Variants in ZNF264 observed in about 807,000 individuals in gnomAD.
ZNF264 encodes zinc finger protein 264.
ZNF264 carries 11 observed loss-of-function variants against 11.2 expected under a neutral mutation model. The ratio of observed to expected loss-of-function variants is 0.98; its 90% confidence interval spans 0.62 to 1.63. ZNF264 has a LOEUF of 1.63. Ranked by LOEUF, ZNF264 falls within the 40% of genes most tolerant of loss-of-function variation. The pLI, the probability that ZNF264 is intolerant of heterozygous loss-of-function variation, is 0.00. For synonymous variants in ZNF264, 309 were observed against 279.8 expected (o/e 1.10, Z -1.04); for missense variants, 752 against 768.1 (o/e 0.98, Z 0.25).
intron 3 of ZNF264, among the ~76,000 whole-genome samples, chr19:57,207,777 A>ACAACTCCC (rs1451426640): frequency 6.8e-6 from 1 of 146,886 alleles, no homozygotes; most frequent in Non-Finnish European, 1.5e-5. Context: ...CCCAGGCGGG[A>ACAACTCCC]GTACAATGGC....
chr19:57,197,468 G>A (rs2087220336), intron 2 of ZNF264, among the ~76,000 whole-genome samples: 1 of 151,854 alleles, frequency 6.6e-6, no homozygotes, highest in East Asian at 1.9e-4. Context: ...ATTCACCTAT[G>A]GGGGCCTGCC....
chr19:57,202,018 C>A (rs2087256985), intron 2 of ZNF264, among the ~76,000 whole-genome samples: 1 of 151,630 alleles, frequency 6.6e-6, no homozygotes, highest in Non-Finnish European at 1.5e-5. Context: ...CCAGCCTGAG[C>A]AATAAAGTGA....
In ZNF264 at chr19:57,212,232, G is replaced by A. The variant is rs1177255454; in HGVS notation, c.1135G>A (p.Val379Ile). 1 of 1,613,986 alleles carries A rather than the reference G, an allele frequency of 6.2e-7. No homozygotes were observed. The highest frequency in any genetic ancestry group is 1.3e-5 in the African/African-American group (1 of 74,884). Reference protein sequence around the residue: ...KPYECSECGKVFLESAALIHH... With the variant: ...KPYECSECGKIFLESAALIHH... ...CTATGAGTGCAGTGAATGTGGGAAG[G>A]TCTTCTTGGAGAGTGCAGCCCTGAT... Residue 379 changes from valine to isoleucine, a missense_variant, in exon 4 of 4, where the codon GTC (valine) becomes ATC (isoleucine). Coordinates refer to ENST00000263095, the MANE Select transcript of ZNF264 (RefSeq NM_003417.5).
chr19:57,196,898 T>A (rs1048725523), intron 2 of ZNF264, among the ~76,000 whole-genome samples: 3 of 151,734 alleles, frequency 2.0e-5, no homozygotes, highest in African/African-American at 7.3e-5. Context: ...TTACACATCT[T>A]CTCATTTCTC....
In ZNF264 at chr19:57,213,021, A is replaced by T; in HGVS notation, c.*40A>T. On this transcript the variant is annotated 3_prime_UTR_variant, in exon 4 of 4. Coordinates refer to ENST00000263095, the MANE Select transcript of ZNF264 (RefSeq NM_003417.5). ...GCTGAATATTACTTGTCATCTGAAG[A>T]GTCATATTAGAAATTCGTTCAGTCT... 6.4e-7 allele frequency: 1 copy of T among 1,559,724 alleles called. No homozygotes were observed. Among genetic ancestry groups the T allele is most frequent in the Non-Finnish European group, 8.7e-7 (1 of 1,152,780 alleles).
rs59259212 is a variant in ZNF264 at position 57,191,749 on chromosome 19, G to T, written c.-165G>T. ...CTGGGTCTGGAACGCGGTTGCCACCGAGGAGGCGGCGGCCCTGCGTCTGGA... is the reference window on the plus strand; with the variant it reads ...CTGGGTCTGGAACGCGGTTGCCACCTAGGAGGCGGCGGCCCTGCGTCTGGA... On this transcript the variant is annotated 5_prime_UTR_variant, in exon 1 of 4. Transcript: ENST00000263095. The T allele has an allele frequency of 0.019, 8,689 of 457,066 alleles. 628 individuals are homozygous for T. Among genetic ancestry groups the T allele is most frequent in the African/African-American group, 0.16 (7,718 of 48,324 alleles). The allele number at this position is 457,066 out of a possible 1,614,324, so 28.3% of individuals were successfully genotyped here. A position where few individuals can be genotyped will look rare whatever the true frequency, so the allele number is the denominator to read the frequency against.
chr19:57,205,519 G>C, intron 3 of ZNF264, 27 bp downstream of exon 3: 1 of 1,584,844 alleles, frequency 6.3e-7, no homozygotes. Flanking sequence ...GGGCAGGTTG[G>C]AGTCCCTTCT....
In ZNF264 at chr19:57,214,514, G is replaced by C. The variant is rs2087365445; in HGVS notation, c.*1533G>C. Reference sequence around the variant, plus strand: ...CTACAAGCATGCACCACCAGTCCCAGCTAATTTTTGTATTTTTTGGTAGAG... The same window carrying C: ...CTACAAGCATGCACCACCAGTCCCACCTAATTTTTGTATTTTTTGGTAGAG... On this transcript the variant is annotated 3_prime_UTR_variant, in exon 4 of 4. Coordinates refer to ENST00000263095, the MANE Select transcript of ZNF264 (RefSeq NM_003417.5). 1 of 151,816 alleles carries C rather than the reference G, an allele frequency of 6.6e-6. No homozygotes were observed. Among genetic ancestry groups the C allele is most frequent in the Admixed American group, 6.6e-5 (1 of 15,224 alleles). 9.4% of individuals were successfully genotyped at this position (151,816 alleles called of 1,614,324 possible).
At chr19:57,210,675 C>T (rs988281418) in intron 3 of ZNF264, among the ~76,000 whole-genome samples, 4 of 152,194 alleles carry the variant, frequency 2.6e-5, no homozygotes, top group South Asian at 2.1e-4. Context: ...CGGTCTCCAG[C>T]GTGCCATCCT....
intron 2 of ZNF264, among the ~76,000 whole-genome samples, chr19:57,200,556 GTGTCT>G (rs71898528): frequency 0.16 from 24,072 of 146,988 alleles, 2,279 homozygotes; most frequent in South Asian, 0.21. Context: ...CTTGTGTCTT[GTGTCT>G]TGTCTTGTCT....
At position 57,211,636 on chromosome 19, in the gene ZNF264, A is replaced by G. The variant is rs538601627; in HGVS notation, c.539A>G (p.Asp180Gly). Reference protein sequence around the residue: ...RIGQEQVSPGDRVRSHNSCES... With the variant: ...RIGQEQVSPGGRVRSHNSCES... ...GGACAGGAGCAAGTCTCTCCAGGAG[A>G]TAGAGTCCGTAGCCATAACTCATGT... is the stretch of plus-strand genomic sequence containing the variant. Residue 180 changes from aspartate (D) to glycine (G), a missense_variant, in exon 4 of 4, where the codon GAT (aspartate) becomes GGT (glycine). Transcript: ENST00000263095. 2 of 1,614,174 alleles carry G rather than the reference A, an allele frequency of 1.2e-6. No homozygotes were observed. The highest frequency in any genetic ancestry group is 1.7e-6 in the Non-Finnish European group (2 of 1,180,018).
chr19:57,213,993 G>A lies in ZNF264; in HGVS notation c.*1012G>A. 6.6e-6 allele frequency: 1 copy of A among 152,142 alleles called. No individual in the cohort carries two copies. The highest frequency in any genetic ancestry group is 1.9e-4 in the East Asian group (1 of 5,198). The allele number at this position is 152,142 out of a possible 1,614,324, so 9.4% of individuals were successfully genotyped here. A position where few individuals can be genotyped will look rare whatever the true frequency, so the allele number is the denominator to read the frequency against. ...GTGTGTGTGTGTAATTTGAGTGATTGTAAATGGCATTGATGTTTGAACTTT... is the reference window on the plus strand; with the variant it reads ...GTGTGTGTGTGTAATTTGAGTGATTATAAATGGCATTGATGTTTGAACTTT... On this transcript the variant is annotated 3_prime_UTR_variant, in exon 4 of 4. Transcript: ENST00000263095.
chr19:57,212,444 C>T lies in ZNF264; in HGVS notation c.1347C>T (p.His449=). The change falls in exon 4 of 4, where the codon CAC becomes CAT. Residue 449 remains histidine, a synonymous_variant. Coordinates refer to ENST00000263095, the MANE Select transcript of ZNF264 (RefSeq NM_003417.5). ...CTTTTATCTTGCATAAAAGGGCCCA[C>T]ACTGGAGAAAAGCCTTTCGAGTGCA... ...CSTFILHKRA[H]TGEKPFECKE... is the part of the protein sequence containing the mutation. 1 of 1,613,910 alleles carries T rather than the reference C, an allele frequency of 6.2e-7. No individual in the cohort carries two copies. The highest frequency in any genetic ancestry group is 8.5e-7 in the Non-Finnish European group (1 of 1,180,010).
chr19:57,208,940 G>A (rs1341188602), intron 3 of ZNF264, among the ~76,000 whole-genome samples: 3 of 152,116 alleles, frequency 2.0e-5, no homozygotes, highest in African/African-American at 7.2e-5. Context: ...AACTTACTAT[G>A]ATTTTTGGTT....
rs2122769191 is a variant in ZNF264 at position 57,213,277 on chromosome 19, G to C, written c.*296G>C. 3.8e-6 allele frequency: 1 copy of C among 262,638 alleles called. No individual in the cohort carries two copies. Among genetic ancestry groups the C allele is most frequent in the African/African-American group, 2.2e-5 (1 of 45,774 alleles). The allele number at this position is 262,638 out of a possible 1,614,324, so 16.3% of individuals were successfully genotyped here. ...TTGTCATGGATTTCTTAGTGTATTT[G>C]GGGGAAGGGAAATGTTTCAAGGTAA... On this transcript the variant is annotated 3_prime_UTR_variant, in exon 4 of 4. Transcript: ENST00000263095.
intron 2 of ZNF264, among the ~76,000 whole-genome samples, chr19:57,202,149 GC>G (rs1318389069): frequency 2.0e-5 from 3 of 151,820 alleles, no homozygotes; most frequent in African/African-American, 7.3e-5. Context: ...GGTAGAGGCT[GC>G]AGTGAGCCAT....
rs778428745 is a variant in ZNF264, at chr19:57,213,010, G to A, written c.*29G>A. On this transcript the variant is annotated 3_prime_UTR_variant, in exon 4 of 4. Transcript: ENST00000263095. ...AACCTTCTGTTGCTGAATATTACTT[G>A]TCATCTGAAGAGTCATATTAGAAAT... 8 of 1,574,240 alleles carry A rather than the reference G, an allele frequency of 5.1e-6. No homozygotes were observed. The highest frequency in any genetic ancestry group is 1.7e-4 in the Middle Eastern group (1 of 5,850).
chr19:57,193,965 G>A lies in ZNF264; in HGVS notation c.124G>A (p.Val42Met). The change falls in exon 2 of 4, where the codon GTG becomes ATG. Residue 42 changes from valine (V) to methionine (M), a missense_variant. By Grantham distance (21) the Val-to-Met change is conservative. Transcript: ENST00000263095. ...AGCTCAGCGGACCCTGTACCAGGAG[G>A]TGATGCTGGAAAACTGTGGGCTCCT... ...DLAQRTLYQE[V>M]MLENCGLLVS... 6.2e-7 allele frequency: 1 copy of A among 1,613,564 alleles called. No individual in the cohort carries two copies. The highest frequency in any genetic ancestry group is 1.3e-5 in the African/African-American group (1 of 75,040).
chr19:57,208,426 C>T (rs2087310178), intron 3 of ZNF264, among the ~76,000 whole-genome samples: 2 of 151,988 alleles, frequency 1.3e-5, no homozygotes, highest in East Asian at 3.9e-4. Flanking sequence ...TGCCTGTGGT[C>T]CCAGCTATTC....
Sources: allele counts gnomAD v4.1 joint callset (sites outside exome capture counted in the v4.1 genomes callset), GRCh38; gene constraint gnomAD v4.1.1; transcripts MANE v1.5; gene names NCBI Gene and HGNC (gene_info 2026-07-23, HGNC 2026-07-21).